TBCK: variants seen among roughly 807,000 people sequenced by gnomAD.
TBCK encodes TBC1 domain containing kinase.
A neutral mutation model predicts 113.4 loss-of-function variants in TBCK; 99 were observed. That is an observed-to-expected ratio of 0.87 (90% CI 0.74 to 1.03). The LOEUF (loss-of-function observed/expected upper bound fraction) is 1.03. TBCK is among the 50% of genes least tolerant of loss of function. The probability of loss-of-function intolerance (pLI) is 0.00; values close to 1 mark genes in which losing one functional copy is unlikely to be tolerated. For synonymous variants in TBCK, 369 were observed against 370.8 expected (o/e 1.00, Z 0.05); for missense variants, 1,045 against 1,061.3 (o/e 0.98, Z 0.21).
At chr4:106,197,341 A>T (rs1297220822) in intron 20 of TBCK, among the ~76,000 whole-genome samples, 6 of 142,266 alleles carry the variant, frequency 4.2e-5, no homozygotes, top group African/African-American at 1.1e-4. Context: ...ATTACTGAAG[A>T]GTGTGTGTGT....
chr4:106,213,149 G>A (rs1721589242), intron 19 of TBCK, among the ~76,000 whole-genome samples: 1 of 152,106 alleles, frequency 6.6e-6, no homozygotes, highest in Non-Finnish European at 1.5e-5. Flanking sequence ...TATTAAATCT[G>A]CTTTGTATTT....
At chr4:106,082,569 T>C (rs1739008565) in intron 25 of TBCK, among the ~76,000 whole-genome samples, 1 of 151,790 alleles carries the variant, frequency 6.6e-6, no homozygotes, top group Non-Finnish European at 1.5e-5. Context: ...CCTGTACATG[T>C]ACCTCTAGAA....
At chr4:106,053,203 C>A (rs1734998571) in intron 25 of TBCK, among the ~76,000 whole-genome samples, 1 of 151,592 alleles carries the variant, frequency 6.6e-6, no homozygotes. Context: ...TCTTTTAAGG[C>A]TCTTTTAATC....
At chr4:106,313,413 T>G (rs1324077175) in intron 1 of TBCK, among the ~76,000 whole-genome samples, 1 of 151,786 alleles carries the variant, frequency 6.6e-6, no homozygotes. Flanking sequence ...ATGGAAGGAT[T>G]GAGAGTTGAA....
chr4:106,201,651 G>A (rs1260650921), intron 20 of TBCK, among the ~76,000 whole-genome samples: 1 of 151,728 alleles, frequency 6.6e-6, no homozygotes, highest in Non-Finnish European at 1.5e-5. Context: ...GTCAAATTTA[G>A]AACCATCAAT....
At chr4:106,107,646 A>C (rs11930404) in intron 24 of TBCK, among the ~76,000 whole-genome samples, 2,187 of 152,304 alleles carry the variant, frequency 0.014, 60 homozygotes, top group African/African-American at 0.049. Flanking sequence ...GTTAAGAGGG[A>C]AATACAATAT....
chr4:106,180,093 C>T (rs1752163814), intron 22 of TBCK, among the ~76,000 whole-genome samples: 1 of 151,780 alleles, frequency 6.6e-6, no homozygotes, highest in East Asian at 1.9e-4. Flanking sequence ...TTCTCTCATC[C>T]CTTCACTTTT....
At chr4:106,214,878 C>T (rs1756667635) in intron 19 of TBCK, among the ~76,000 whole-genome samples, 1 of 152,032 alleles carries the variant, frequency 6.6e-6, no homozygotes, top group African/African-American at 2.4e-5. Flanking sequence ...CACAAAGATA[C>T]TCCTTGAGAA....
At chr4:106,256,954 T>C (rs1762059725) in intron 5 of TBCK, among the ~76,000 whole-genome samples, 1 of 152,080 alleles carries the variant, frequency 6.6e-6, no homozygotes. Context: ...AAGAACTACA[T>C]ACCTGAGGGC....
At chr4:106,098,812 G>T (rs1283653607) in intron 24 of TBCK, among the ~76,000 whole-genome samples, 1 of 151,972 alleles carries the variant, frequency 6.6e-6, no homozygotes, top group Non-Finnish European at 1.5e-5. Context: ...GGAGTAAGTT[G>T]TACCCCTCCC....
chr4:106,201,643 C>T (rs1394951676), intron 20 of TBCK, among the ~76,000 whole-genome samples: 1 of 151,768 alleles, frequency 6.6e-6, no homozygotes, highest in African/African-American at 2.4e-5. Flanking sequence ...CTGGTAATGT[C>T]AAATTTAGAA....
chr4:106,118,854 T>A (rs1038720131), intron 23 of TBCK, among the ~76,000 whole-genome samples: 5 of 152,194 alleles, frequency 3.3e-5, no homozygotes, highest in Non-Finnish European at 7.3e-5. Context: ...AGAGTATTGC[T>A]ATATGAAATG....
intron 12 of TBCK, among the ~76,000 whole-genome samples, chr4:106,240,722 T>G (rs984509569): frequency 6.6e-6 from 1 of 152,016 alleles, no homozygotes; most frequent in Non-Finnish European, 1.5e-5. Flanking sequence ...AAAAGAACTA[T>G]AAACAAATCT....
intron 20 of TBCK, among the ~76,000 whole-genome samples, chr4:106,197,411 G>GTGTGTGTGTA (rs35695611): frequency 1.6e-5 from 2 of 122,446 alleles, no homozygotes; most frequent in African/African-American, 6.2e-5. Context: ...GTGTGTGTGT[G>GTGTGTGTGTA]TATATATATA....
chr4:106,221,790 G>A (rs1364771638), intron 19 of TBCK, among the ~76,000 whole-genome samples: 1 of 152,026 alleles, frequency 6.6e-6, no homozygotes, highest in Non-Finnish European at 1.5e-5. Flanking sequence ...ACAAAGAAGG[G>A]AATAACAGAC....
In TBCK at chr4:106,239,621, C is replaced by G. The variant is rs186445794; in HGVS notation, c.1171-2813G>C. On this transcript the variant is annotated intron_variant, in intron 12 of 25. Transcript: ENST00000394708. ...AAATGGAAGCACCGGAAGAGTGTTA[C>G]AGGCAGTGGGAAGAGCAAGTTTAAA... 2.9e-4 allele frequency among the ~76,000 whole-genome samples: 44 copies of G among 152,074 alleles called. 2 individuals carry two copies. The South Asian group carries it at 8.3e-3, about 29-fold the overall frequency.
At chr4:106,175,832 C>T (rs1039127098) in intron 22 of TBCK, among the ~76,000 whole-genome samples, 1 of 152,054 alleles carries the variant, frequency 6.6e-6, no homozygotes, top group Non-Finnish European at 1.5e-5. Context: ...TAAGAGTAAG[C>T]TGAACATATT....
intron 24 of TBCK, among the ~76,000 whole-genome samples, chr4:106,106,990 C>T (rs1389028344): frequency 6.6e-6 from 1 of 151,440 alleles, no homozygotes; most frequent in Non-Finnish European, 1.5e-5. Flanking sequence ...GATTGCAATC[C>T]TAATTTCAGA....
intron 23 of TBCK, among the ~76,000 whole-genome samples, chr4:106,134,357 T>C (rs1746321530): frequency 6.6e-6 from 1 of 152,124 alleles, no homozygotes; most frequent in East Asian, 1.9e-4. Context: ...GTTTGATAAA[T>C]GAATGTATGT....
Sources: allele counts gnomAD v4.1 joint callset (sites outside exome capture counted in the v4.1 genomes callset), GRCh38; gene constraint gnomAD v4.1.1; transcripts MANE v1.5; gene names NCBI Gene and HGNC (gene_info 2026-07-23, HGNC 2026-07-21).